The following PTTG1IP2 variants were observed in gnomAD, a reference collection of about 807,000 sequenced individuals.
The protein encoded by PTTG1IP2 is PTTG1IP family member 2.
chr7:90,498,401 C>T (rs17868929), intron 6 of PTTG1IP2, among the ~76,000 whole-genome samples: 2,651 of 152,242 alleles, frequency 0.017, 71 homozygotes, highest in African/African-American at 0.058. Flanking sequence ...TAAGATCCAA[C>T]TATATGCTGC....
intron 6 of PTTG1IP2, among the ~76,000 whole-genome samples, chr7:90,503,531 A>C (rs1295128571): frequency 6.6e-6 from 1 of 152,140 alleles, no homozygotes; most frequent in Non-Finnish European, 1.5e-5. Flanking sequence ...AAAGTGAGAG[A>C]TGTGCAACTC....
intron 6 of PTTG1IP2, among the ~76,000 whole-genome samples, chr7:90,499,469 G>A (rs930026262): frequency 7.2e-5 from 11 of 152,118 alleles, no homozygotes; most frequent in African/African-American, 2.7e-4. Context: ...TGTAACTGCA[G>A]AACAGCATTC....
intron 2 of PTTG1IP2, among the ~76,000 whole-genome samples, chr7:90,486,146 T>G (rs1018326533): frequency 1.3e-5 from 2 of 152,154 alleles, no homozygotes; most frequent in African/African-American, 4.8e-5. Flanking sequence ...TCATTACCTC[T>G]GCTGGTCCCA....
Position 90,498,912 on chromosome 7 carries a change from C to G in PTTG1IP2, c.*50+4482C>G, listed in dbSNP as rs1798029167. Among the ~76,000 whole-genome samples the G allele has an allele frequency of 2.0e-5, 3 of 152,144 alleles. 1 individual carries two copies. The highest frequency in any genetic ancestry group is 7.2e-5 in the African/African-American group (3 of 41,402). ...TGTCAGCCAGGCTGGGGTGCAGTGG[C>G]ATGATCATGGCTCACTGCAGCCTCC... On this transcript the variant is annotated intron_variant, in intron 6 of 6. Transcript: ENST00000509356.
At chr7:90,512,544 G>A (rs1798202464) in intron 6 of PTTG1IP2, among the ~76,000 whole-genome samples, 1 of 152,132 alleles carries the variant, frequency 6.6e-6, no homozygotes, top group South Asian at 2.1e-4. Context: ...GAAATATTCG[G>A]GGATAAGATT....
chr7:90,480,155 C>T (rs931501668), intron 2 of PTTG1IP2, among the ~76,000 whole-genome samples: 5 of 152,160 alleles, frequency 3.3e-5, no homozygotes, highest in Admixed American at 2.0e-4. Flanking sequence ...CCTTCCTCAA[C>T]CCTGTGTAGT....
intron 2 of PTTG1IP2, among the ~76,000 whole-genome samples, chr7:90,486,268 G>A (rs915592900): frequency 6.6e-6 from 1 of 152,064 alleles, no homozygotes; most frequent in Non-Finnish European, 1.5e-5. Context: ...TATTTACTAG[G>A]TATGCAATCT....
intron 3 of PTTG1IP2, among the ~76,000 whole-genome samples, 159 bp from the exon 4 acceptor site, chr7:90,488,712 A>G (rs1292200373): frequency 6.6e-6 from 1 of 152,042 alleles, no homozygotes; most frequent in Non-Finnish European, 1.5e-5. Context: ...TGTTGTGTTA[A>G]TGGTAGTTTT....
chr7:90,473,801 T>G lies in PTTG1IP2; in HGVS notation c.145+3870T>G, dbSNP rs778410573. On this transcript the variant is annotated intron_variant, in intron 1 of 6. Coordinates refer to ENST00000509356, the MANE Select transcript of PTTG1IP2 (RefSeq NM_001365443.2). ...AGTTATTACAGGCAGCAGCTCACAC[T>G]GCCTGGACTCACCTCCCAGCTCTGT... is the stretch of plus-strand genomic sequence containing the variant. 4.6e-5 allele frequency among the ~76,000 whole-genome samples: 7 copies of G among 152,222 alleles called. No individual in the cohort carries two copies. In the South Asian group the frequency reaches 1.4e-3, roughly 31 times the overall value.
chr7:90,486,705 G>A (rs1797878761), intron 2 of PTTG1IP2, among the ~76,000 whole-genome samples: 1 of 152,050 alleles, frequency 6.6e-6, no homozygotes, highest in African/African-American at 2.4e-5. Flanking sequence ...GCAGGCAAGA[G>A]GAATGGAAAG....
chr7:90,485,095 C>A (rs1797854340), intron 2 of PTTG1IP2, among the ~76,000 whole-genome samples: 1 of 152,110 alleles, frequency 6.6e-6, no homozygotes, highest in Non-Finnish European at 1.5e-5. Flanking sequence ...TGATTGGCAG[C>A]CACAGGACCA....
rs17867673 is a variant in PTTG1IP2 at position 90,471,974 on chromosome 7, C to A, written c.145+2043C>A. Among the ~76,000 whole-genome samples, 1,261 of 152,250 alleles carry A rather than the reference C, an allele frequency of 8.3e-3. 9 individuals carry two copies. The highest frequency in any genetic ancestry group is 0.018 in the Admixed American group (273 of 15,296). On this transcript the variant is annotated intron_variant, in intron 1 of 6. Coordinates refer to ENST00000509356, the MANE Select transcript of PTTG1IP2 (RefSeq NM_001365443.2). The stretch of plus-strand genomic sequence containing the variant: ...AACCTTGGCACTGGAAAATGACAAA[C>A]CTCAAAAGAGAGAGCAGAGTCAGAT...
At chr7:90,490,913 T>C (rs1797929789) in intron 4 of PTTG1IP2, among the ~76,000 whole-genome samples, 2 of 152,200 alleles carry the variant, frequency 1.3e-5, no homozygotes, top group Non-Finnish European at 2.9e-5. Flanking sequence ...TTAACTCTGC[T>C]GTATATCCAC....
intron 2 of PTTG1IP2, among the ~76,000 whole-genome samples, chr7:90,482,257 A>T (rs975940543): frequency 6.6e-6 from 1 of 152,082 alleles, no homozygotes; most frequent in Non-Finnish European, 1.5e-5. Flanking sequence ...GGATAAACAG[A>T]TGTCTTGGTA....
chr7:90,474,641 A>G (rs1018708289), intron 1 of PTTG1IP2, among the ~76,000 whole-genome samples: 1 of 152,294 alleles, frequency 6.6e-6, no homozygotes, highest in African/African-American at 2.4e-5. Flanking sequence ...CAACTGCCCC[A>G]GGTTAACAGT....
At chr7:90,502,624 C>A (rs1358353492) in intron 6 of PTTG1IP2, among the ~76,000 whole-genome samples, 1 of 152,154 alleles carries the variant, frequency 6.6e-6, no homozygotes, top group Non-Finnish European at 1.5e-5. Context: ...CATTATTAAT[C>A]TTTGTGTACA....
chr7:90,511,225 G>C (rs552964552), intron 6 of PTTG1IP2, among the ~76,000 whole-genome samples: 1 of 152,222 alleles, frequency 6.6e-6, no homozygotes, highest in African/African-American at 2.4e-5. Context: ...GTAAGATATA[G>C]TGCCTGCCAT....
intron 1 of PTTG1IP2, among the ~76,000 whole-genome samples, chr7:90,477,358 T>C (rs1797760169): frequency 6.6e-6 from 1 of 152,148 alleles, no homozygotes; most frequent in South Asian, 2.1e-4. Context: ...AGGGCAAAAA[T>C]GAGTATTAAA....
intron 2 of PTTG1IP2, among the ~76,000 whole-genome samples, chr7:90,481,273 A>AT (rs542343676): frequency 1.2e-4 from 19 of 152,258 alleles, no homozygotes; most frequent in Admixed American, 6.5e-4. Context: ...CAGGCATGCA[A>AT]TGCATACACC....
Sources: gnomAD v4.1 joint callset for allele counts (sites outside exome capture counted in the v4.1 genomes callset) on GRCh38, gnomAD v4.1.1 for gene constraint, MANE v1.5 for transcripts, NCBI Gene and HGNC (gene_info 2026-07-23, HGNC 2026-07-21) for gene names.